Variants in MYLK observed in about 807,000 individuals in gnomAD.
The protein encoded by MYLK is myosin light chain kinase.
A neutral mutation model predicts 203.4 loss-of-function variants in MYLK; 106 were observed. That is an observed-to-expected ratio of 0.52 (90% CI 0.45 to 0.61). MYLK has a LOEUF of 0.61. Among genes scored for constraint, MYLK ranks in the 20% least tolerant of loss-of-function variants. The pLI is 0.00. For missense variants in MYLK, 2,072 were observed against 2,442.3 expected (o/e 0.85, Z 3.20); for synonymous variants, 867 against 959.5 (o/e 0.90, Z 1.78).
intron 27 of MYLK, among the ~76,000 whole-genome samples, chr3:123,643,941 C>CA (rs1181045946): frequency 1.3e-5 from 2 of 152,366 alleles, no homozygotes; most frequent in Admixed American, 6.5e-5. Flanking sequence ...CAGGGTCCCA[C>CA]AACCACCTGG....
Position 123,856,937 on chromosome 3 carries a change from A to C in MYLK, c.-127+19622T>G, listed in dbSNP as rs373076665. ...ATATCCAGAATCTACAATGAACTCA[A>C]ACAAATTTACAAGAAAAAAACAAAC... On this transcript the variant is annotated intron_variant, in intron 2 of 33. Coordinates refer to ENST00000360304, the MANE Select transcript of MYLK (RefSeq NM_053025.4). 6.5e-3 allele frequency among the ~76,000 whole-genome samples: 987 copies of C among 152,208 alleles called. 9 individuals are homozygous for C. Among genetic ancestry groups the C allele is most frequent in the African/African-American group, 0.02 (832 of 41,496 alleles).
rs2058801453 is a variant in MYLK, at chr3:123,640,660, T to C, written c.4620-156A>G. 6.6e-6 allele frequency among the ~76,000 whole-genome samples: 1 copy of C among 152,042 alleles called. No homozygotes were observed. The highest frequency in any genetic ancestry group is 2.1e-4 in the South Asian group (1 of 4,830). ...ATTCCTGAATCCCCACCCTCCGACA[T>C]GGGAGAAGGGTCAGGGCCTCCTGGT... On this transcript the variant is annotated intron_variant, in intron 27 of 33. Coordinates refer to ENST00000360304, the MANE Select transcript of MYLK (RefSeq NM_053025.4). This position sits in a 1 kb window ranked among gnomAD's most constrained non-coding sequence, Gnocchi z 4.3.
chr3:123,796,158 G>T (rs1222201218), intron 3 of MYLK, among the ~76,000 whole-genome samples: 1 of 152,096 alleles, frequency 6.6e-6, no homozygotes, highest in African/African-American at 2.4e-5. Flanking sequence ...CTAGATGTGG[G>T]GAACTCTTCC....
Position 123,612,587 on chromosome 3 carries a change from T to A in MYLK, c.*1518A>T, listed in dbSNP as rs1241101561. 4.6e-5 allele frequency: 7 copies of A among 152,514 alleles called. No individual in the cohort carries two copies. The highest frequency in any genetic ancestry group is 2.6e-4 in the Admixed American group (4 of 15,276). The allele number at this position is 152,514 out of a possible 1,614,324, so 9.4% of individuals were successfully genotyped here. A position where few individuals can be genotyped will look rare whatever the true frequency, so the allele number is the denominator to read the frequency against. ...AACTGTGGCAATACTGTGGCTATCATGAAAAATATTGTAACTATTTTAAAA... is the reference window on the plus strand; with the variant it reads ...AACTGTGGCAATACTGTGGCTATCAAGAAAAATATTGTAACTATTTTAAAA... On this transcript the variant is annotated 3_prime_UTR_variant, in exon 34 of 34. Transcript: ENST00000360304.
At chr3:123,638,303 C>T in intron 28 of MYLK, 109 bp from the exon 29 acceptor site, 1 of 1,492,938 alleles carries the variant, frequency 6.7e-7, no homozygotes, top group Non-Finnish European at 9.2e-7. Context: ...GGGCCAGACA[C>T]AGGCTTTGGC....
chr3:123,857,106 C>T (rs1448964891), intron 2 of MYLK, among the ~76,000 whole-genome samples: 2 of 152,054 alleles, frequency 1.3e-5, no homozygotes. Flanking sequence ...GATACCATCT[C>T]ACACCAGTTA....
rs532124059 is a variant in MYLK, at chr3:123,629,066, G to A, written c.5114+408C>T. 5.9e-5 allele frequency among the ~76,000 whole-genome samples: 9 copies of A among 152,298 alleles called. No individual in the cohort carries two copies. The South Asian group carries it at 1.0e-3, about 18-fold the overall frequency. On this transcript the variant is annotated intron_variant, in intron 30 of 33. Coordinates refer to ENST00000360304, the MANE Select transcript of MYLK (RefSeq NM_053025.4). The surrounding 1 kb of genome is among the most constrained non-coding windows in gnomAD (Gnocchi z 4.4). ...CCCACAGAGAAGTTCTAAGATGCCC[G>A]TGTCCTCTGCTCTTGCTTGTTGAGA...
chr3:123,739,388 G>A, intron 6 of MYLK, among the ~76,000 whole-genome samples: 1 of 152,176 alleles, frequency 6.6e-6, no homozygotes, highest in East Asian at 1.9e-4. Flanking sequence ...CCACTTCCAG[G>A]GCCGACTCAT....
intron 20 of MYLK, among the ~76,000 whole-genome samples, chr3:123,677,884 A>AATAT (rs3085284): frequency 0.08 from 4,248 of 53,222 alleles, 332 homozygotes; most frequent in Non-Finnish European, 0.093. Context: ...TAAATAAATG[A>AATAT]ATATATATAT....
chr3:123,832,822 C>G (rs891612855), intron 2 of MYLK, among the ~76,000 whole-genome samples: 1 of 152,158 alleles, frequency 6.6e-6, no homozygotes, highest in Non-Finnish European at 1.5e-5. Flanking sequence ...AAAAAAAATT[C>G]TACTATTTGT....
intron 2 of MYLK, among the ~76,000 whole-genome samples, chr3:123,837,164 G>A (rs1395864997): frequency 6.6e-6 from 1 of 152,126 alleles, no homozygotes; most frequent in Admixed American, 6.5e-5. Context: ...CTCCTGAGTA[G>A]CTGGGTTACA....
intron 13 of MYLK, among the ~76,000 whole-genome samples, chr3:123,710,731 G>C (rs931473895): frequency 6.6e-6 from 1 of 152,170 alleles, no homozygotes; most frequent in African/African-American, 2.4e-5. Context: ...GTATGTCCCT[G>C]AGAGAAACGC....
chr3:123,618,508 C>T, intron 33 of MYLK, 131 bp downstream of exon 33: 3 of 1,272,208 alleles, frequency 2.4e-6, no homozygotes, highest in South Asian at 2.4e-5. Context: ...GACCCAGTTT[C>T]CCCCAAAGCT....
Position 123,734,050 on chromosome 3 carries a change from G to C in MYLK, c.946C>G (p.Pro316Ala). Residue 316 changes from proline (P) to alanine (A), a missense_variant, in exon 10 of 34, where the codon CCC (proline) becomes GCC (alanine). This residue lies in a region of MYLK where 683 missense variants were observed against 643.8 expected (regional missense o/e 1.06). Coordinates refer to ENST00000360304, the MANE Select transcript of MYLK (RefSeq NM_053025.4). ...GACTCCAGCTTGGACTCCCTTGGGG[G>C]CTGAGGCTGGCTGTTTGCAGCCCAG... is the stretch of plus-strand genomic sequence containing the variant. ...PPWAANSQPQ[P>A]PRESKLESCK... is the part of the protein sequence containing the mutation. The C allele has an allele frequency of 6.2e-7, 1 of 1,613,900 alleles. No individual in the cohort carries two copies. Among genetic ancestry groups the C allele is most frequent in the Non-Finnish European group, 8.5e-7 (1 of 1,179,844 alleles).
intron 3 of MYLK, chr3:123,814,158 G>T (rs1207108948): frequency 2.8e-6 from 1 of 358,862 alleles, no homozygotes; most frequent in Non-Finnish European, 5.6e-6. Context: ...TGACTCATGG[G>T]CCCTGTTCCT....
intron 24 of MYLK, among the ~76,000 whole-genome samples, chr3:123,655,055 C>T (rs1278380877): frequency 6.6e-6 from 1 of 152,140 alleles, no homozygotes; most frequent in Non-Finnish European, 1.5e-5. Context: ...TCCTGTTCTT[C>T]ACATAAAACT....
At position 123,857,583 on chromosome 3, in the gene MYLK, T is replaced by C. The variant is rs1271010752; in HGVS notation, c.-127+18976A>G. On this transcript the variant is annotated intron_variant, in intron 2 of 33. Transcript: ENST00000360304. ...AACACCGCATATTCTCACTCATAGG[T>C]GGGAATTGAACAATGAGAACACATG... Among the ~76,000 whole-genome samples the C allele has an allele frequency of 4.3e-5, 6 of 140,204 alleles. No homozygotes were observed. The Admixed American group carries it at 4.7e-4, about 11-fold the overall frequency. The allele number at this position is 140,204 out of a possible 152,430, so 92.0% of individuals were successfully genotyped here.
chr3:123,675,516 A>T (rs1220927208), intron 20 of MYLK, among the ~76,000 whole-genome samples: 1 of 152,250 alleles, frequency 6.6e-6, no homozygotes, highest in Non-Finnish European at 1.5e-5. Context: ...CAGAGCCTGA[A>T]GGTGGGTCTC....
intron 23 of MYLK, among the ~76,000 whole-genome samples, chr3:123,659,901 G>C (rs2059510145): frequency 6.6e-6 from 1 of 152,200 alleles, no homozygotes; most frequent in Non-Finnish European, 1.5e-5. Context: ...ACCAGCTCCA[G>C]GATTTTCTCC....
Sources: allele counts gnomAD v4.1 joint callset (sites outside exome capture counted in the v4.1 genomes callset), GRCh38; gene constraint gnomAD v4.1.1; regional missense constraint gnomAD v4.1.1; non-coding constraint Gnocchi (gnomAD v3.1); transcripts MANE v1.5; gene names NCBI Gene and HGNC (gene_info 2026-07-23, HGNC 2026-07-21).